LIPC: variants seen among roughly 807,000 people sequenced by gnomAD.
LIPC encodes the protein hepatic triacylglycerol lipase.
In LIPC, 44 loss-of-function variants were observed where a neutral mutation model predicts 50.7. That is an observed-to-expected ratio of 0.87 (90% confidence interval 0.68 to 1.11). The LOEUF (loss-of-function observed/expected upper bound fraction) is 1.11, where lower values mean the gene tolerates loss of function less well. Ranked by LOEUF, LIPC falls within the 50% of genes most tolerant of loss-of-function variation. The pLI is 0.00. For synonymous variants in LIPC, 271 were observed against 256.4 expected (o/e 1.06, Z -0.54); for missense variants, 697 against 648.2 (o/e 1.08, Z -0.82).
Position 58,569,051 on chromosome 15 carries a change from C to G in LIPC, c.*224C>G, listed in dbSNP as rs1324089527. On this transcript the variant is annotated 3_prime_UTR_variant, in exon 9 of 9. Coordinates refer to ENST00000299022, the MANE Select transcript of LIPC (RefSeq NM_000236.3). ...AACCAAAAATGTCCCAATTTTATCT[C>G]TGGTTAAATGTTAATATATGCAAAT... 2.5e-6 allele frequency: 1 copy of G among 403,310 alleles called. No homozygotes were observed. Among genetic ancestry groups the G allele is most frequent in the Non-Finnish European group, 4.4e-6 (1 of 226,328 alleles). The allele number at this position is 403,310 out of a possible 1,614,324, so 25.0% of individuals were successfully genotyped here. A position where few individuals can be genotyped will look rare whatever the true frequency, so the allele number is the denominator to read the frequency against.
At chr15:58,565,535 T>A in intron 8 of LIPC, 1 of 1,284,512 alleles carries the variant, frequency 7.8e-7, no homozygotes, top group East Asian at 3.0e-5. Flanking sequence ...TGATCTTTGC[T>A]GTGATCCTGA....
chr15:58,486,840 T>C (rs1869138), intron 1 of LIPC, among the ~76,000 whole-genome samples: 14,052 of 152,212 alleles, frequency 0.092, 888 homozygotes, highest in East Asian at 0.23. Flanking sequence ...CTTGAAATAA[T>C]TCAACTATAG....
chr15:58,528,558 G>A (rs528953330), intron 1 of LIPC, among the ~76,000 whole-genome samples: 35 of 152,224 alleles, frequency 2.3e-4, no homozygotes, highest in African/African-American at 4.3e-4. Context: ...ACCTGAGCTG[G>A]AGTGCAGTGG....
intron 1 of LIPC, among the ~76,000 whole-genome samples, chr15:58,493,414 C>T (rs1891650426): frequency 6.6e-6 from 1 of 151,842 alleles, no homozygotes. Flanking sequence ...TGTGCCTGGC[C>T]CACACCCGAG....
At chr15:58,499,911 G>A (rs1256660526) in intron 1 of LIPC, among the ~76,000 whole-genome samples, 1 of 152,188 alleles carries the variant, frequency 6.6e-6, no homozygotes, top group Non-Finnish European at 1.5e-5. Flanking sequence ...GTGGATGTCA[G>A]GATCACGAAT....
rs118001184 is a variant in LIPC at position 58,511,572 on chromosome 15, A to T, written c.89-26761A>T. ...ATGACTGGTAAAACCCACTATGTCC[A>T]GAAGACAAGGGCACCCTGCTGGTTT... On this transcript the variant is annotated intron_variant, in intron 1 of 8. Transcript: ENST00000299022. 1.6e-3 allele frequency among the ~76,000 whole-genome samples: 241 copies of T among 152,352 alleles called. 5 individuals are homozygous for T. In the East Asian group the frequency reaches 0.04, roughly 25 times the overall value.
At chr15:58,539,488 C>A (rs1389325379) in intron 2 of LIPC, among the ~76,000 whole-genome samples, 1 of 152,170 alleles carries the variant, frequency 6.6e-6, no homozygotes, top group East Asian at 1.9e-4. Context: ...CATGTGAGAA[C>A]TTGTCTCCAA....
At chr15:58,566,979 C>T (rs1163948786) in intron 8 of LIPC, among the ~76,000 whole-genome samples, 3 of 151,818 alleles carry the variant, frequency 2.0e-5, no homozygotes, top group African/African-American at 7.3e-5. Context: ...TGAGTACCTA[C>T]CTTATGCCAG....
intron 1 of LIPC, among the ~76,000 whole-genome samples, chr15:58,467,944 G>C (rs115439036): frequency 0.011 from 1,695 of 152,208 alleles, 24 homozygotes; most frequent in African/African-American, 0.039. Flanking sequence ...CTAACACAAG[G>C]ACCGCTCTTA....
At chr15:58,451,170 G>A (rs1893886869) in intron 1 of LIPC, among the ~76,000 whole-genome samples, 1 of 152,186 alleles carries the variant, frequency 6.6e-6, no homozygotes, top group African/African-American at 2.4e-5. Flanking sequence ...ACCGGCACAG[G>A]ATTGGGAGGC....
chr15:58,504,565 C>T (rs1364176961), intron 1 of LIPC, among the ~76,000 whole-genome samples: 1 of 152,220 alleles, frequency 6.6e-6, no homozygotes, highest in African/African-American at 2.4e-5. Context: ...CTGCTACATT[C>T]AGCCTGAGGC....
At chr15:58,463,701 CCT>C (rs1894433432) in intron 1 of LIPC, among the ~76,000 whole-genome samples, 1 of 152,126 alleles carries the variant, frequency 6.6e-6, no homozygotes, top group East Asian at 1.9e-4. Flanking sequence ...TCTTTCTTGC[CCT>C]GTTTCTCGGC....
At position 58,433,890 on chromosome 15, in the gene LIPC, C is replaced by A. The variant is rs145823366; in HGVS notation, c.88+1770C>A. ...GGAAGCAGAATCTCTTGGCAGAATT[C>A]TTTCTGCAATGAGTGAGCCCAATCT... is the stretch of plus-strand genomic sequence containing the variant. On this transcript the variant is annotated intron_variant, in intron 1 of 8. Coordinates refer to ENST00000299022, the MANE Select transcript of LIPC (RefSeq NM_000236.3). Among the ~76,000 whole-genome samples, 412 of 152,276 alleles carry A rather than the reference C, an allele frequency of 2.7e-3. 4 individuals carry two copies. Among genetic ancestry groups the A allele is most frequent in the African/African-American group, 9.7e-3 (405 of 41,542 alleles).
At chr15:58,538,310 C>T in intron 1 of LIPC, 23 bp from the exon 2 acceptor site, 1 of 1,613,316 alleles carries the variant, frequency 6.2e-7, no homozygotes, top group Non-Finnish European at 8.5e-7. Flanking sequence ...AGGCTAAGCA[C>T]CGTCCCCAAT....
At position 58,471,739 on chromosome 15, in the gene LIPC, C is replaced by CT. The variant is rs151184161; in HGVS notation, c.88+39620dup. On this transcript the variant is annotated intron_variant, in intron 1 of 8. Coordinates refer to ENST00000299022, the MANE Select transcript of LIPC (RefSeq NM_000236.3). ...AATTGAGCCAAATAGAAATGCATGA[C>CT]TATTCAATATTTATTATGTAGAGAG... 3.9e-3 allele frequency among the ~76,000 whole-genome samples: 597 copies of CT among 152,262 alleles called. 4 individuals are homozygous for CT. Among genetic ancestry groups the CT allele is most frequent in the African/African-American group, 0.014 (587 of 41,542 alleles).
At chr15:58,484,517 A>G (rs532568955) in intron 1 of LIPC, among the ~76,000 whole-genome samples, 11 of 152,364 alleles carry the variant, frequency 7.2e-5, no homozygotes, top group Admixed American at 7.2e-4. Flanking sequence ...TAAGGGCTTT[A>G]CCAATATTAA....
chr15:58,540,626 T>C (rs1338812207), intron 2 of LIPC, among the ~76,000 whole-genome samples: 1 of 152,132 alleles, frequency 6.6e-6, no homozygotes, highest in Non-Finnish European at 1.5e-5. Context: ...TCACCCGCTA[T>C]TGTCAAGCCT....
intron 1 of LIPC, among the ~76,000 whole-genome samples, chr15:58,481,190 A>T (rs1243353263): frequency 1.3e-5 from 2 of 152,204 alleles, no homozygotes; most frequent in Non-Finnish European, 2.9e-5. Flanking sequence ...ATTTGTAAGG[A>T]AACTGATATC....
intron 6 of LIPC, among the ~76,000 whole-genome samples, chr15:58,560,124 C>G (rs1460903909): frequency 1.3e-5 from 2 of 152,224 alleles, no homozygotes; most frequent in African/African-American, 4.8e-5. Context: ...ATGTATTTAA[C>G]AACGCCTGTC....
Sources: gnomAD v4.1 joint callset for allele counts (sites outside exome capture counted in the v4.1 genomes callset) on GRCh38, gnomAD v4.1.1 for gene constraint, MANE v1.5 for transcripts, NCBI Gene and HGNC (gene_info 2026-07-23, HGNC 2026-07-21) for gene names.